SOX5: variants seen among roughly 807,000 people sequenced by gnomAD.
The protein encoded by SOX5 is SRY-box transcription factor 5, also known as transcription factor SOX-5.
SOX5 carries 9 observed loss-of-function variants against 92.0 expected under a neutral mutation model. That is an observed-to-expected ratio of 0.10 (90% confidence interval 0.06 to 0.17). The LOEUF is 0.17. Ranked by LOEUF, SOX5 falls within the 10% of genes least tolerant of loss-of-function variation. The pLI is 1.00. For synonymous variants in SOX5, 344 were observed against 336.3 expected (o/e 1.02, Z -0.25); for missense variants, 642 against 944.5 (o/e 0.68, Z 4.20).
At chr12:23,583,185 T>C (rs1229924027) in intron 9 of SOX5, among the ~76,000 whole-genome samples, 1 of 152,132 alleles carries the variant, frequency 6.6e-6, no homozygotes, top group Admixed American at 6.6e-5. Context: ...TTAATCTTTA[T>C]TCTCCTTTCC....
At chr12:24,289,004 A>G (rs938456459) in intron 2 of SOX5, among the ~76,000 whole-genome samples, 2 of 152,166 alleles carry the variant, frequency 1.3e-5, no homozygotes, top group African/African-American at 4.8e-5. Flanking sequence ...GAACTTAGAA[A>G]CTTAAACTTT....
rs144538284 is a variant in SOX5, at chr12:23,813,418, A to C, written c.481+32565T>G. ...AAGCTCAGGGACACCCAGAGAAGAT[A>C]AGGAAAAAGGAGGGTGCAGATGCAT... is the stretch of plus-strand genomic sequence containing the variant. On this transcript the variant is annotated intron_variant, in intron 3 of 14. Transcript: ENST00000451604. Among the ~76,000 whole-genome samples, 48 of 152,236 alleles carry C rather than the reference A, an allele frequency of 3.2e-4. 2 individuals are homozygous for C. In the East Asian group the frequency reaches 8.5e-3, roughly 27 times the overall value.
chr12:24,361,692 T>G (rs1278989816), intron 2 of SOX5, among the ~76,000 whole-genome samples: 3 of 152,136 alleles, frequency 2.0e-5, no homozygotes, highest in African/African-American at 7.2e-5. Flanking sequence ...TATACAGGTC[T>G]TGCATTTAAA....
chr12:24,148,379 C>T (rs1451588155), intron 4 of SOX5, among the ~76,000 whole-genome samples: 1 of 150,222 alleles, frequency 6.7e-6, no homozygotes, highest in African/African-American at 2.5e-5. Flanking sequence ...CCTGTAATCC[C>T]AGCTACTCAG....
chr12:23,719,075 T>A (rs557960205), intron 6 of SOX5, among the ~76,000 whole-genome samples: 21 of 152,340 alleles, frequency 1.4e-4, no homozygotes, highest in Non-Finnish European at 8.8e-5. Flanking sequence ...TATTTGATAC[T>A]CTTTAGTATG....
chr12:24,133,906 C>T (rs1355649811), intron 4 of SOX5, among the ~76,000 whole-genome samples: 1 of 152,124 alleles, frequency 6.6e-6, no homozygotes, highest in Non-Finnish European at 1.5e-5. Flanking sequence ...TATTGGCATA[C>T]TCTCTCTTTG....
chr12:23,616,337 G>A (rs1466755026), intron 8 of SOX5, among the ~76,000 whole-genome samples: 2 of 152,182 alleles, frequency 1.3e-5, no homozygotes, highest in Non-Finnish European at 1.5e-5. Context: ...GGTGGAGGCT[G>A]GGATTGTGAA....
At chr12:24,376,080 C>T (rs1957234671) in intron 1 of SOX5, among the ~76,000 whole-genome samples, 1 of 152,198 alleles carries the variant, frequency 6.6e-6, no homozygotes, top group Non-Finnish European at 1.5e-5. Flanking sequence ...TCCTAGCATC[C>T]TCTTCTGAAG....
At chr12:23,867,805 T>A (rs1224609997) in intron 2 of SOX5, among the ~76,000 whole-genome samples, 1 of 150,282 alleles carries the variant, frequency 6.7e-6, no homozygotes, top group African/African-American at 2.5e-5. Flanking sequence ...TAGCTGTGTA[T>A]AAACAACAAA....
chr12:23,726,988 C>G (rs1335127670), intron 6 of SOX5, among the ~76,000 whole-genome samples: 1 of 151,868 alleles, frequency 6.6e-6, no homozygotes, highest in Non-Finnish European at 1.5e-5. Flanking sequence ...GGATTCACTT[C>G]AGAAATCATA....
chr12:23,977,499 A>G (rs1260572078), intron 4 of SOX5, among the ~76,000 whole-genome samples: 1 of 152,074 alleles, frequency 6.6e-6, no homozygotes, highest in Non-Finnish European at 1.5e-5. Flanking sequence ...GCGAAATCCC[A>G]TCTCTACTAA....
intron 3 of SOX5, among the ~76,000 whole-genome samples, chr12:23,831,255 A>C (rs1473285304): frequency 6.6e-6 from 1 of 152,190 alleles, no homozygotes; most frequent in Non-Finnish European, 1.5e-5. Flanking sequence ...ACGATAAATG[A>C]AACAATAATG....
intron 4 of SOX5, among the ~76,000 whole-genome samples, chr12:23,984,075 A>G (rs1182757479): frequency 1.3e-5 from 2 of 152,140 alleles, no homozygotes; most frequent in Non-Finnish European, 2.9e-5. Flanking sequence ...GATTTCTCTC[A>G]ATACTTCATT....
intron 4 of SOX5, among the ~76,000 whole-genome samples, chr12:24,170,264 C>A (rs1011655076): frequency 6.6e-6 from 1 of 152,170 alleles, no homozygotes; most frequent in Non-Finnish European, 1.5e-5. Flanking sequence ...AGGGAACTTG[C>A]GCCACATCTG....
At chr12:23,534,641 T>G in intron 14 of SOX5, 119 bp from the exon 15 acceptor site, 1 of 721,644 alleles carries the variant, frequency 1.4e-6, no homozygotes, top group Non-Finnish European at 2.2e-6. Flanking sequence ...TTTTATCTAA[T>G]TGCCTAACAT....
At chr12:23,737,527 G>A (rs753525344) in intron 5 of SOX5, among the ~76,000 whole-genome samples, 2 of 152,030 alleles carry the variant, frequency 1.3e-5, no homozygotes, top group Non-Finnish European at 2.9e-5. Context: ...GTGACAATGC[G>A]AGACTCCATC....
At position 23,822,470 on chromosome 12, in the gene SOX5, T is replaced by G. The variant is rs537081221; in HGVS notation, c.481+23513A>C. Among the ~76,000 whole-genome samples the G allele has an allele frequency of 1.2e-3, 183 of 152,352 alleles. 1 individual carries two copies. Among genetic ancestry groups the G allele is most frequent in the Non-Finnish European group, 5.6e-4 (38 of 68,034 alleles). On this transcript the variant is annotated intron_variant, in intron 3 of 14. Coordinates refer to ENST00000451604, the MANE Select transcript of SOX5 (RefSeq NM_006940.6). ...TCTTAATCCTGAGGTCTAATTTGAT[T>G]GCACTGTGGTCTAAGAGACTGTTAT...
At chr12:23,695,663 C>T (rs1220614253) in intron 6 of SOX5, among the ~76,000 whole-genome samples, 3 of 152,054 alleles carry the variant, frequency 2.0e-5, no homozygotes, top group Non-Finnish European at 4.4e-5. Flanking sequence ...AAATATGGGC[C>T]GGGCGCAGTG....
chr12:24,124,027 C>A (rs1281495751), intron 4 of SOX5, among the ~76,000 whole-genome samples: 5 of 152,178 alleles, frequency 3.3e-5, no homozygotes, highest in South Asian at 2.1e-4. Context: ...GGTTAAAATA[C>A]TTCTGTGGAG....
Sources: gnomAD v4.1 joint callset for allele counts (sites outside exome capture counted in the v4.1 genomes callset) on GRCh38, gnomAD v4.1.1 for gene constraint, MANE v1.5 for transcripts, NCBI Gene and HGNC (gene_info 2026-07-23, HGNC 2026-07-21) for gene names.